The following MAPK10 variants were observed in gnomAD, a reference collection of about 807,000 sequenced individuals.
The protein encoded by MAPK10 is mitogen-activated protein kinase 10.
Under a neutral mutation model 59.3 loss-of-function variants are expected in MAPK10, and 25 were observed. That is an observed-to-expected ratio of 0.42 (90% confidence interval 0.31 to 0.59). The LOEUF (loss-of-function observed/expected upper bound fraction) is 0.59, where lower values mean the gene tolerates loss of function less well. MAPK10 is among the 20% of genes least tolerant of loss of function. The pLI is 0.15. For synonymous variants in MAPK10, 190 were observed against 200.5 expected (o/e 0.95, Z 0.44); for missense variants, 351 against 568.9 (o/e 0.62, Z 3.90).
intron 1 of MAPK10, among the ~76,000 whole-genome samples, chr4:86,523,348 T>C (rs1428862725): frequency 1.3e-5 from 2 of 152,180 alleles, no homozygotes; most frequent in African/African-American, 4.8e-5. Flanking sequence ...TATCCAAGAA[T>C]ACATCTGGCT....
intron 1 of MAPK10, among the ~76,000 whole-genome samples, chr4:86,485,859 C>CAT: frequency 6.6e-6 from 1 of 152,270 alleles, no homozygotes; most frequent in East Asian, 1.9e-4. Context: ...CATGTGAGGA[C>CAT]ATAGTGAAAG....
intron 1 of MAPK10, among the ~76,000 whole-genome samples, chr4:86,559,949 A>G (rs1760550843): frequency 6.6e-6 from 1 of 150,874 alleles, no homozygotes; most frequent in Admixed American, 6.6e-5. Context: ...AAAAAAAAAA[A>G]AAGAAAAGAA....
chr4:86,276,279 C>T (rs895142541), intron 2 of MAPK10, among the ~76,000 whole-genome samples: 10 of 152,046 alleles, frequency 6.6e-5, no homozygotes, highest in Admixed American at 1.3e-4. Flanking sequence ...CTCATGGCCC[C>T]TGACCACTAG....
chr4:86,267,927 G>A (rs1011721012), intron 2 of MAPK10, among the ~76,000 whole-genome samples: 5 of 152,032 alleles, frequency 3.3e-5, no homozygotes, highest in Admixed American at 1.3e-4. Flanking sequence ...TACTTGGCTC[G>A]CTCTATTACA....
chr4:86,183,143 T>A lies in MAPK10; in HGVS notation c.66+11193A>T, dbSNP rs372410722. On this transcript the variant is annotated intron_variant, in intron 3 of 13. Coordinates refer to ENST00000641462, the MANE Select transcript of MAPK10 (RefSeq NM_138982.4). ...AGATTTTAGTTTTGGCTGGTTTTTTTTTATTATTATTATACTTTAAGTTTT... is the reference window on the plus strand; with the variant it reads ...AGATTTTAGTTTTGGCTGGTTTTTTATTATTATTATTATACTTTAAGTTTT... Among the ~76,000 whole-genome samples, 7 of 152,186 alleles carry A rather than the reference T, an allele frequency of 4.6e-5. No homozygotes were observed. In the South Asian group the frequency reaches 8.3e-4, roughly 18 times the overall value.
At chr4:86,173,472 G>T (rs533983476) in intron 3 of MAPK10, among the ~76,000 whole-genome samples, 1 of 151,800 alleles carries the variant, frequency 6.6e-6, no homozygotes, top group Non-Finnish European at 1.5e-5. Flanking sequence ...AAATTAACTC[G>T]AGATGGATTA....
At chr4:86,073,313 T>C (rs1435771178) in intron 9 of MAPK10, among the ~76,000 whole-genome samples, 1 of 151,586 alleles carries the variant, frequency 6.6e-6, no homozygotes, top group Non-Finnish European at 1.5e-5. Flanking sequence ...GCTAGCGGTC[T>C]ATCAATTTTG....
Position 86,071,569 on chromosome 4 carries a change from A to G in MAPK10, c.803-3614T>C, listed in dbSNP as rs903281085. 5.4e-5 allele frequency among the ~76,000 whole-genome samples: 8 copies of G among 148,950 alleles called. No individual in the cohort carries two copies. The South Asian group carries it at 1.5e-3, about 28-fold the overall frequency. On this transcript the variant is annotated intron_variant, in intron 9 of 13. Transcript: ENST00000641462. ...TAATCCATCTTGAATTGATTTTTGT[A>G]TAAGGTGTAAGGAAGGGATCCAGTT...
At chr4:86,356,668 G>C (rs1462100022) in intron 1 of MAPK10, 1 of 152,574 alleles carries the variant, frequency 6.6e-6, no homozygotes, top group African/African-American at 2.4e-5. Context: ...ACACGTACAG[G>C]TTTCTGAAAA....
At chr4:86,553,375 C>T (rs1760008363) in intron 1 of MAPK10, among the ~76,000 whole-genome samples, 1 of 152,154 alleles carries the variant, frequency 6.6e-6, no homozygotes, top group Non-Finnish European at 1.5e-5. Flanking sequence ...GCCCACAAAG[C>T]TGAGAGAGGG....
intron 2 of MAPK10, among the ~76,000 whole-genome samples, chr4:86,345,988 C>T (rs1018951191): frequency 6.6e-6 from 1 of 152,098 alleles, no homozygotes; most frequent in Non-Finnish European, 1.5e-5. Context: ...ACTAAAAGAA[C>T]AAGTGGAAAT....
At chr4:86,482,670 A>G (rs1209305908) in intron 1 of MAPK10, among the ~76,000 whole-genome samples, 1 of 152,218 alleles carries the variant, frequency 6.6e-6, no homozygotes, top group Admixed American at 6.5e-5. Flanking sequence ...GGACTAGCTC[A>G]GTAAAGTTTG....
intron 1 of MAPK10, among the ~76,000 whole-genome samples, chr4:86,546,098 C>T (rs996889930): frequency 2.0e-5 from 3 of 151,904 alleles, no homozygotes; most frequent in African/African-American, 7.3e-5. Context: ...TGTTGGGTGC[C>T]TATAGTCCCA....
chr4:86,299,702 A>C (rs1254301671), intron 2 of MAPK10, among the ~76,000 whole-genome samples: 2 of 152,160 alleles, frequency 1.3e-5, no homozygotes, highest in African/African-American at 4.8e-5. Context: ...TAGTCACCTA[A>C]AGGCAAATAC....
chr4:86,151,232 C>A (rs1485348739), intron 4 of MAPK10, among the ~76,000 whole-genome samples: 1 of 152,110 alleles, frequency 6.6e-6, no homozygotes, highest in East Asian at 1.9e-4. Context: ...AGTTTACATG[C>A]CTGAGTCCAT....
chr4:86,377,537 T>C (rs1341305517), intron 1 of MAPK10, among the ~76,000 whole-genome samples: 1 of 152,226 alleles, frequency 6.6e-6, no homozygotes, highest in Non-Finnish European at 1.5e-5. Context: ...GTAAGTTTCA[T>C]GAGAGCAGGG....
At chr4:86,476,077 T>C (rs1054493264) in intron 1 of MAPK10, among the ~76,000 whole-genome samples, 3 of 152,162 alleles carry the variant, frequency 2.0e-5, no homozygotes, top group African/African-American at 7.2e-5. Flanking sequence ...CCAGGCATTC[T>C]TTTACACATT....
intron 1 of MAPK10, among the ~76,000 whole-genome samples, chr4:86,533,919 A>C (rs1286394501): frequency 6.6e-6 from 1 of 152,054 alleles, no homozygotes; most frequent in Non-Finnish European, 1.5e-5. Context: ...AATCCCCTCC[A>C]ATGTCCCCAT....
At chr4:86,517,765 C>T (rs532207728) in intron 1 of MAPK10, among the ~76,000 whole-genome samples, 13 of 152,022 alleles carry the variant, frequency 8.6e-5, no homozygotes, top group East Asian at 5.8e-4. Context: ...TATCTATTTA[C>T]GCTTTAAGGA....
Sources: gnomAD v4.1 joint callset for allele counts (sites outside exome capture counted in the v4.1 genomes callset) on GRCh38, gnomAD v4.1.1 for gene constraint, MANE v1.5 for transcripts, NCBI Gene and HGNC (gene_info 2026-07-23, HGNC 2026-07-21) for gene names.